Variants in EPHA6 observed in about 807,000 individuals in gnomAD.
EPHA6 encodes EPH receptor A6.
A neutral mutation model predicts 112.0 loss-of-function variants in EPHA6; 50 were observed. The ratio of observed to expected loss-of-function variants is 0.45; its 90% CI spans 0.36 to 0.56. The LOEUF is 0.56. Ranked by LOEUF, EPHA6 falls within the 20% of genes least tolerant of loss-of-function variation. The pLI is 0.00. For missense variants in EPHA6, 1,280 were observed against 1,417.4 expected (o/e 0.90, Z 1.56); for synonymous variants, 529 against 490.7 (o/e 1.08, Z -1.03).
intron 6 of EPHA6, among the ~76,000 whole-genome samples, chr3:97,420,299 A>G (rs1387661238): frequency 6.6e-6 from 1 of 152,038 alleles, no homozygotes; most frequent in Non-Finnish European, 1.5e-5. Flanking sequence ...TTCTTAAAAA[A>G]AAAAAGATAA....
intron 5 of EPHA6, among the ~76,000 whole-genome samples, chr3:97,297,846 C>A (rs543396185): frequency 6.6e-6 from 1 of 152,240 alleles, no homozygotes; most frequent in Non-Finnish European, 1.5e-5. Context: ...TCACTGCAAC[C>A]TCCACTGCCC....
chr3:97,344,247 T>A lies in EPHA6; in HGVS notation c.1607-60903T>A, dbSNP rs140978400. On this transcript the variant is annotated intron_variant, in intron 5 of 17. Transcript: ENST00000389672. ...TTGGGGACGAAATGTGTGTGTTTTT[T>A]ATATCTGAGAAGGACAGGAATTACA... 2.7e-3 allele frequency among the ~76,000 whole-genome samples: 408 copies of A among 152,268 alleles called. 5 individuals are homozygous for A. Among genetic ancestry groups the A allele is most frequent in the East Asian group, 9.3e-3 (48 of 5,184 alleles).
intron 3 of EPHA6, among the ~76,000 whole-genome samples, chr3:97,214,595 A>G (rs2077981029): frequency 1.3e-5 from 2 of 151,750 alleles, no homozygotes; most frequent in Admixed American, 1.3e-4. Context: ...TTTTTGCCAT[A>G]TGTATAATAT....
Position 96,973,963 on chromosome 3 carries a change from CATATT to C in EPHA6, c.451-13363_451-13359del, listed in dbSNP as rs1225183636. Among the ~76,000 whole-genome samples, 14 of 141,990 alleles carry C rather than the reference CATATT, an allele frequency of 9.9e-5. No homozygotes were observed. In the East Asian group the frequency reaches 1.4e-3, roughly 14 times the overall value. 93.2% of individuals were successfully genotyped at this position (141,990 alleles called of 152,430 possible). ...ATATAGTGTATACATAATAAATATA[CATATT>C]ATAACAGAATCTTTATTATATATAA... On this transcript the variant is annotated intron_variant, in intron 2 of 17. Transcript: ENST00000389672.
At chr3:97,673,799 A>G (rs533095600) in intron 14 of EPHA6, among the ~76,000 whole-genome samples, 5 of 152,360 alleles carry the variant, frequency 3.3e-5, no homozygotes, top group African/African-American at 1.2e-4. Flanking sequence ...TAGCAGGCCA[A>G]GGCCTTCTTA....
chr3:96,821,063 C>T (rs2033216676), intron 1 of EPHA6, among the ~76,000 whole-genome samples: 1 of 151,694 alleles, frequency 6.6e-6, no homozygotes, highest in South Asian at 2.1e-4. Context: ...AAATGTTCAG[C>T]AAGACCTAGA....
intron 14 of EPHA6, among the ~76,000 whole-genome samples, chr3:97,685,168 T>C (rs1359938767): frequency 6.6e-6 from 1 of 152,198 alleles, no homozygotes; most frequent in East Asian, 1.9e-4. Context: ...TCTAGACTAC[T>C]ATTAATAAAC....
At position 97,084,698 on chromosome 3, in the gene EPHA6, G is replaced by A. The variant is rs188903642; in HGVS notation, c.1114+96705G>A. On this transcript the variant is annotated intron_variant, in intron 3 of 17. Coordinates refer to ENST00000389672, the MANE Select transcript of EPHA6 (RefSeq NM_001080448.3). ...CCTAGAAATACAGCTAACTGAGGAG[G>A]TGAAGGATTTCTGCAAGGATAGTTA... 3.3e-5 allele frequency among the ~76,000 whole-genome samples: 5 copies of A among 152,166 alleles called. No homozygotes were observed. The East Asian group carries it at 9.7e-4, about 29-fold the overall frequency.
At chr3:97,240,713 G>A (rs1436602721) in intron 4 of EPHA6, among the ~76,000 whole-genome samples, 2 of 151,774 alleles carry the variant, frequency 1.3e-5, no homozygotes, top group African/African-American at 2.4e-5. Context: ...ATTTAAGCAT[G>A]TTCTGCAGAA....
At chr3:97,403,543 T>C (rs1051102030) in intron 5 of EPHA6, among the ~76,000 whole-genome samples, 1 of 152,134 alleles carries the variant, frequency 6.6e-6, no homozygotes, top group African/African-American at 2.4e-5. Context: ...GCCTCCCGGG[T>C]TCACGCCATT....
intron 7 of EPHA6, among the ~76,000 whole-genome samples, chr3:97,471,166 T>C (rs1309101780): frequency 6.6e-6 from 1 of 151,752 alleles, no homozygotes; most frequent in Non-Finnish European, 1.5e-5. Context: ...TAAGTGTCTA[T>C]TTAAATAAAC....
intron 2 of EPHA6, among the ~76,000 whole-genome samples, chr3:96,917,078 C>T (rs1179284220): frequency 6.6e-6 from 1 of 151,926 alleles, no homozygotes; most frequent in Non-Finnish European, 1.5e-5. Flanking sequence ...AGTTTTTTTC[C>T]ATAGCCAGAA....
At chr3:97,397,527 G>C (rs1413361892) in intron 5 of EPHA6, among the ~76,000 whole-genome samples, 1 of 151,228 alleles carries the variant, frequency 6.6e-6, no homozygotes, top group Non-Finnish European at 1.5e-5. Context: ...AGCATTTGGG[G>C]GTTTATATTG....
intron 3 of EPHA6, among the ~76,000 whole-genome samples, chr3:97,137,264 T>C (rs192370664): frequency 5.6e-4 from 86 of 152,296 alleles, no homozygotes; most frequent in African/African-American, 1.9e-3. Context: ...CTGCATCTTA[T>C]TCTCCTTGTT....
intron 2 of EPHA6, among the ~76,000 whole-genome samples, chr3:96,920,567 A>G (rs1337137455): frequency 6.6e-6 from 1 of 151,946 alleles, no homozygotes; most frequent in African/African-American, 2.4e-5. Context: ...ACATATTTCT[A>G]TTTAGATCCT....
chr3:97,732,987 T>C (rs2035102567), intron 15 of EPHA6, among the ~76,000 whole-genome samples: 1 of 152,078 alleles, frequency 6.6e-6, no homozygotes, highest in Non-Finnish European at 1.5e-5. Context: ...ATGAGTCTTC[T>C]GATCCTCCCA....
intron 5 of EPHA6, among the ~76,000 whole-genome samples, chr3:97,324,467 T>TTCTTTCTTTCTC (rs1425776252): frequency 6.8e-6 from 1 of 147,014 alleles, no homozygotes; most frequent in African/African-American, 2.5e-5. Context: ...CTTTCTTTCT[T>TTCTTTCTTTCTC]TCTTTTTCTT....
chr3:97,542,436 A>G (rs1232848646), intron 11 of EPHA6, among the ~76,000 whole-genome samples: 1 of 152,080 alleles, frequency 6.6e-6, no homozygotes, highest in Non-Finnish European at 1.5e-5. Context: ...ATCATTTTTT[A>G]TGGCTGCATA....
At chr3:97,137,874 A>T (rs1000498057) in intron 3 of EPHA6, among the ~76,000 whole-genome samples, 3 of 152,142 alleles carry the variant, frequency 2.0e-5, no homozygotes, top group African/African-American at 7.2e-5. Flanking sequence ...TGTAATTTTT[A>T]AAAATGTAGA....
Sources: allele counts gnomAD v4.1 joint callset (sites outside exome capture counted in the v4.1 genomes callset), GRCh38; gene constraint gnomAD v4.1.1; transcripts MANE v1.5; gene names NCBI Gene and HGNC (gene_info 2026-07-23, HGNC 2026-07-21).